Variants in KCNU1 observed in about 807,000 individuals in gnomAD.
KCNU1 encodes the protein potassium calcium-activated channel subfamily U member 1, also known as potassium channel subfamily U member 1.
In KCNU1, 93 loss-of-function variants were observed where a neutral mutation model predicts 126.8. The ratio of observed to expected loss-of-function variants is 0.73; its 90% CI spans 0.62 to 0.87. KCNU1 has a LOEUF of 0.87. KCNU1 is among the 40% of genes least tolerant of loss of function. The pLI is 0.00. For missense variants in KCNU1, 1,330 were observed against 1,367.1 expected (o/e 0.97, Z 0.43); for synonymous variants, 523 against 494.2 (o/e 1.06, Z -0.77).
At chr8:36,898,392 A>G (rs547920332) in intron 19 of KCNU1, among the ~76,000 whole-genome samples, 1 of 152,038 alleles carries the variant, frequency 6.6e-6, no homozygotes, top group Admixed American at 6.6e-5. Context: ...TATTAATGTT[A>G]ATAATTTTCC....
chr8:36,901,261 C>G (rs983962223), intron 19 of KCNU1, among the ~76,000 whole-genome samples: 8 of 152,080 alleles, frequency 5.3e-5, no homozygotes. Flanking sequence ...AAACCTAGTC[C>G]ACCTTCTTAA....
At chr8:36,871,390 C>CATAT (rs35847916) in intron 19 of KCNU1, among the ~76,000 whole-genome samples, 3,553 of 148,622 alleles carry the variant, frequency 0.024, 88 homozygotes, top group Admixed American at 0.075. Context: ...AGCAAAGTAC[C>CATAT]ATATATATAT....
chr8:36,844,914 T>C (rs149184214), intron 16 of KCNU1, among the ~76,000 whole-genome samples: 1 of 152,304 alleles, frequency 6.6e-6, no homozygotes, highest in East Asian at 1.9e-4. Context: ...TGAAAAGCCA[T>C]AGCAGAGTAC....
At chr8:36,853,327 T>A (rs560090556) in intron 18 of KCNU1, among the ~76,000 whole-genome samples, 5 of 152,304 alleles carry the variant, frequency 3.3e-5, no homozygotes, top group South Asian at 4.1e-4. Flanking sequence ...TCCAAGCTGG[T>A]TGACAGAGCA....
At chr8:36,916,833 T>C (rs1808129843) in intron 22 of KCNU1, among the ~76,000 whole-genome samples, 1 of 152,220 alleles carries the variant, frequency 6.6e-6, no homozygotes, top group Non-Finnish European at 1.5e-5. Flanking sequence ...CTTCAGTTTT[T>C]ATCCTACATT....
Position 36,930,707 on chromosome 8 carries a change from C to T in KCNU1, c.2737-244C>T, listed in dbSNP as rs538535377. Among the ~76,000 whole-genome samples, 13 of 152,164 alleles carry T rather than the reference C, an allele frequency of 8.5e-5. No homozygotes were observed. In the South Asian group the frequency reaches 1.9e-3, roughly 22 times the overall value. ...ATCATTATCCATTTTCTTCTTCATC[C>T]GAAGTGTAATCTCCAAGGAACAGGA... is the stretch of plus-strand genomic sequence containing the variant. On this transcript the variant is annotated intron_variant, in intron 24 of 26. Coordinates refer to ENST00000399881, the MANE Select transcript of KCNU1 (RefSeq NM_001031836.3).
chr8:36,794,824 G>C (rs942008809), intron 2 of KCNU1, among the ~76,000 whole-genome samples: 2 of 152,084 alleles, frequency 1.3e-5, no homozygotes, highest in African/African-American at 2.4e-5. Context: ...ATTTAATTGA[G>C]AGGCTGAGGT....
rs118140371 is a variant in KCNU1 at position 36,870,576 on chromosome 8, G to A, written c.2009+6055G>A. Among the ~76,000 whole-genome samples the A allele has an allele frequency of 1.9e-4, 29 of 152,202 alleles. No homozygotes were observed. The South Asian group carries it at 2.9e-3, about 15-fold the overall frequency. ...GTCCACCTAGTGGGGGCAGAAGATC[G>A]GATACAAATCACCGTACATGGCTCT... On this transcript the variant is annotated intron_variant, in intron 19 of 26. Transcript: ENST00000399881.
intron 19 of KCNU1, among the ~76,000 whole-genome samples, chr8:36,893,134 GTTTTT>G (rs776511807): frequency 8.4e-6 from 1 of 119,442 alleles, no homozygotes; most frequent in African/African-American, 2.9e-5. Flanking sequence ...GCTACTTTTT[GTTTTT>G]TTTTGTTTTT....
At chr8:36,807,705 G>A (rs1185418378) in intron 6 of KCNU1, among the ~76,000 whole-genome samples, 1 of 150,484 alleles carries the variant, frequency 6.6e-6, no homozygotes, top group Non-Finnish European at 1.5e-5. Context: ...AGTTTATTTA[G>A]GTTTTAATTC....
chr8:36,875,901 A>G (rs896585914), intron 19 of KCNU1, among the ~76,000 whole-genome samples: 33 of 152,168 alleles, frequency 2.2e-4, no homozygotes, highest in Non-Finnish European at 5.9e-5. Flanking sequence ...CCCACAGCAT[A>G]GATATCTGCT....
At chr8:36,904,709 G>T (rs946808909) in intron 19 of KCNU1, among the ~76,000 whole-genome samples, 1 of 152,122 alleles carries the variant, frequency 6.6e-6, no homozygotes, top group Non-Finnish European at 1.5e-5. Context: ...GCCTAGGCTT[G>T]GTTCTCCAGT....
At chr8:36,835,079 T>C (rs1371322366) in intron 12 of KCNU1, among the ~76,000 whole-genome samples, 1 of 152,228 alleles carries the variant, frequency 6.6e-6, no homozygotes, top group Non-Finnish European at 1.5e-5. Flanking sequence ...AGTGTGAATG[T>C]GCTTCTCCAT....
At chr8:36,932,625 T>A (rs981729771) in intron 25 of KCNU1, among the ~76,000 whole-genome samples, 6 of 151,994 alleles carry the variant, frequency 3.9e-5, no homozygotes, top group Non-Finnish European at 4.4e-5. Context: ...CATTGTTAAT[T>A]CATAGTAGTT....
At chr8:36,919,343 C>T (rs1808249513) in intron 23 of KCNU1, among the ~76,000 whole-genome samples, 1 of 150,374 alleles carries the variant, frequency 6.7e-6, no homozygotes, top group African/African-American at 2.4e-5. Context: ...GAGGTGCTCA[C>T]CCTTGGTGTC....
chr8:36,804,601 C>G (rs999831457), intron 3 of KCNU1, among the ~76,000 whole-genome samples: 4 of 152,136 alleles, frequency 2.6e-5, no homozygotes, highest in African/African-American at 9.7e-5. Context: ...AGGGTTAGGG[C>G]AGCTATTTTG....
chr8:36,826,510 G>A (rs1274420849), intron 10 of KCNU1, among the ~76,000 whole-genome samples: 6 of 151,998 alleles, frequency 3.9e-5, no homozygotes, highest in East Asian at 3.9e-4. Flanking sequence ...GCGCTAGGCC[G>A]TATGAACTGA....
At chr8:36,814,755 T>A (rs559204265) in intron 8 of KCNU1, among the ~76,000 whole-genome samples, 1 of 152,270 alleles carries the variant, frequency 6.6e-6, no homozygotes, top group African/African-American at 2.4e-5. Flanking sequence ...CTCAAATGAG[T>A]AACCTTTCAC....
At chr8:36,902,945 G>C (rs1379357437) in intron 19 of KCNU1, among the ~76,000 whole-genome samples, 1 of 152,102 alleles carries the variant, frequency 6.6e-6, no homozygotes, top group Non-Finnish European at 1.5e-5. Context: ...TGACCTTGAA[G>C]CTTATATGTT....
Sources: gnomAD v4.1 joint callset for allele counts (sites outside exome capture counted in the v4.1 genomes callset) on GRCh38, gnomAD v4.1.1 for gene constraint, MANE v1.5 for transcripts, NCBI Gene and HGNC (gene_info 2026-07-23, HGNC 2026-07-21) for gene names.